Variants in MTHFD1L observed in about 807,000 individuals in gnomAD.
MTHFD1L encodes the protein monofunctional C1-tetrahydrofolate synthase, mitochondrial.
Under a neutral mutation model 119.5 loss-of-function variants are expected in MTHFD1L, and 81 were observed. That is an observed-to-expected ratio of 0.68 (90% CI 0.57 to 0.82). The LOEUF is 0.82. MTHFD1L is among the 40% of genes least tolerant of loss of function. The pLI is 0.00. For missense variants in MTHFD1L, 1,125 were observed against 1,253.4 expected, an observed-to-expected ratio of 0.90 and a Z score of 1.55; for synonymous variants, 430 against 475.2, an observed-to-expected ratio of 0.90 and a Z score of 1.24.
intron 24 of MTHFD1L, among the ~76,000 whole-genome samples, chr6:151,016,972 ACCG>A (rs1783173112): frequency 6.6e-6 from 1 of 150,710 alleles, no homozygotes; most frequent in African/African-American, 2.4e-5. Context: ...TCGGGGTTTC[ACCG>A]TGTTGCCCGG....
At chr6:150,935,542 G>A in intron 11 of MTHFD1L, 1 of 1,537,404 alleles carries the variant, frequency 6.5e-7, no homozygotes, top group Admixed American at 2.1e-5. Context: ...GAAAAATTTT[G>A]CGGCAACAGA....
chr6:151,009,816 CA>C lies in MTHFD1L; in HGVS notation c.2126-2del, dbSNP rs770532372. The C allele has an allele frequency of 5.1e-5, 82 of 1,613,530 alleles. No individual in the cohort carries two copies. Among genetic ancestry groups the C allele is most frequent in the Non-Finnish European group, 7.0e-5 (82 of 1,179,842 alleles). On this transcript the variant is annotated splice_acceptor_variant, in intron 20 of 27. Coordinates refer to ENST00000367321, the MANE Select transcript of MTHFD1L (RefSeq NM_015440.5). LOFTEE classifies it high-confidence loss of function. ...AGCACATATTCCACTTGCTTCCCCA[CA>C]GTGACCGAAGCTGGCTTTGGTGCTG...
intron 7 of MTHFD1L, among the ~76,000 whole-genome samples, chr6:150,890,355 G>A (rs1007587390): frequency 2.0e-5 from 3 of 152,074 alleles, no homozygotes; most frequent in African/African-American, 7.2e-5. Flanking sequence ...TCTGCTGTCA[G>A]GGCTGAGTTG....
At chr6:150,974,186 G>A (rs1168257388) in intron 20 of MTHFD1L, among the ~76,000 whole-genome samples, 2 of 152,138 alleles carry the variant, frequency 1.3e-5, no homozygotes, top group African/African-American at 2.4e-5. Context: ...TTCCCTACCT[G>A]TAAAATAGGG....
intron 20 of MTHFD1L, among the ~76,000 whole-genome samples, chr6:150,982,821 T>A (rs753641888): frequency 1.3e-5 from 2 of 151,960 alleles, no homozygotes; most frequent in African/African-American, 2.4e-5. Flanking sequence ...TGCCTCAGCC[T>A]CCCAAGTAGC....
At chr6:150,937,315 C>T (rs1792261595) in intron 12 of MTHFD1L, among the ~76,000 whole-genome samples, 1 of 152,142 alleles carries the variant, frequency 6.6e-6, no homozygotes, top group East Asian at 1.9e-4. Flanking sequence ...GCTTTAGTCT[C>T]GGCTCATTGG....
At chr6:150,990,724 C>A (rs484076) in intron 20 of MTHFD1L, among the ~76,000 whole-genome samples, 83,293 of 152,006 alleles carry the variant, frequency 0.55, 24,343 homozygotes, top group African/African-American at 0.74. Flanking sequence ...GGCCTTCCAA[C>A]GTGCTGGGAT....
intron 11 of MTHFD1L, chr6:150,935,327 A>G: frequency 2.5e-6 from 4 of 1,612,848 alleles, no homozygotes; most frequent in Non-Finnish European, 3.4e-6. Context: ...AATAACTAGG[A>G]TATCAGAAAA....
At chr6:150,996,622 A>G (rs895684162) in intron 20 of MTHFD1L, among the ~76,000 whole-genome samples, 7 of 152,164 alleles carry the variant, frequency 4.6e-5, no homozygotes, top group African/African-American at 1.7e-4. Context: ...TCTGCAGCTC[A>G]GCCCTGGTTC....
At chr6:150,895,141 C>G (rs1784009344) in intron 7 of MTHFD1L, among the ~76,000 whole-genome samples, 1 of 152,238 alleles carries the variant, frequency 6.6e-6, no homozygotes, top group Non-Finnish European at 1.5e-5. Flanking sequence ...CCACACCCAG[C>G]GTCCTGGGCC....
At chr6:150,901,023 AAAG>A (rs1188019558) in intron 7 of MTHFD1L, among the ~76,000 whole-genome samples, 2 of 150,420 alleles carry the variant, frequency 1.3e-5, no homozygotes, top group Admixed American at 6.6e-5. Context: ...CAAAAAAAAA[AAAG>A]AAAAGAAAAG....
intron 19 of MTHFD1L, among the ~76,000 whole-genome samples, chr6:150,968,951 C>T (rs1383843575): frequency 6.7e-6 from 1 of 149,358 alleles, no homozygotes; most frequent in Non-Finnish European, 1.5e-5. Context: ...CGGTTTCAAG[C>T]GATTCTCCTG....
At chr6:150,994,069 A>T (rs376013018) in intron 20 of MTHFD1L, among the ~76,000 whole-genome samples, 2 of 113,190 alleles carry the variant, frequency 1.8e-5, no homozygotes, top group South Asian at 2.8e-4. Flanking sequence ...AACAGTAAAA[A>T]AAAAAAAAAA....
At chr6:151,090,913 A>C (rs35458044) in intron 26 of MTHFD1L, among the ~76,000 whole-genome samples, 23,988 of 107,316 alleles carry the variant, frequency 0.22, 2,793 homozygotes, top group East Asian at 0.44. Flanking sequence ...GACTGGGTGC[A>C]GCATCGTTCC....
intron 20 of MTHFD1L, among the ~76,000 whole-genome samples, chr6:151,002,112 T>A (rs1780703197): frequency 6.6e-6 from 1 of 152,140 alleles, no homozygotes; most frequent in Non-Finnish European, 1.5e-5. Context: ...AAGTACCAAG[T>A]GTTAAGATTT....
chr6:151,002,324 T>C (rs1000374955), intron 20 of MTHFD1L, among the ~76,000 whole-genome samples: 1 of 152,194 alleles, frequency 6.6e-6, no homozygotes, highest in Non-Finnish European at 1.5e-5. Context: ...TATCATAAAC[T>C]GTAAATGGAG....
rs1254981530 is a variant in MTHFD1L, at chr6:150,923,537, A to ATTTATTTT, written c.1082+1238_1082+1239insATTTTTTT. Among the ~76,000 whole-genome samples the ATTTATTTT allele has an allele frequency of 1.7e-3, 166 of 95,216 alleles. 1 individual carries two copies. Among genetic ancestry groups the ATTTATTTT allele is most frequent in the African/African-American group, 8.1e-3 (160 of 19,780 alleles). The allele number at this position is 95,216 out of a possible 152,430, so 62.5% of individuals were successfully genotyped here. A position where few individuals can be genotyped will look rare whatever the true frequency, so the allele number is the denominator to read the frequency against. On this transcript the variant is annotated intron_variant, in intron 10 of 27. Coordinates refer to ENST00000367321, the MANE Select transcript of MTHFD1L (RefSeq NM_015440.5). ...TATTTATTTATTTATTTATTTATTT[A>ATTTATTTT]TTTTTTCTTTTTTTTTTTTTTTTTT...
chr6:150,874,322 C>G (rs887149513), intron 1 of MTHFD1L, among the ~76,000 whole-genome samples: 5 of 152,188 alleles, frequency 3.3e-5, no homozygotes, highest in African/African-American at 1.2e-4. Flanking sequence ...TGCACCCAGT[C>G]CATCTGTTCC....
intron 26 of MTHFD1L, among the ~76,000 whole-genome samples, chr6:151,077,264 C>A (rs1228773757): frequency 1.3e-5 from 2 of 152,034 alleles, no homozygotes; most frequent in African/African-American, 4.8e-5. Flanking sequence ...ACAGTAGAGT[C>A]AAAAAGAGGA....
Sources: gnomAD v4.1 joint callset for allele counts (sites outside exome capture counted in the v4.1 genomes callset) on GRCh38, gnomAD v4.1.1 for gene constraint, MANE v1.5 for transcripts, NCBI Gene and HGNC (gene_info 2026-07-23, HGNC 2026-07-21) for gene names.